The following FAM149B1 variants were observed in gnomAD, a reference collection of about 807,000 sequenced individuals.
FAM149B1 encodes family with sequence similarity 149 member B1, also known as primary cilium assembly protein FAM149B1.
FAM149B1 carries 56 observed loss-of-function variants against 75.3 expected under a neutral mutation model. The observed-to-expected ratio is 0.74, with a 90% CI of 0.60 to 0.93. The LOEUF (loss-of-function observed/expected upper bound fraction) is 0.93, where lower values mean the gene tolerates loss of function less well. Among genes scored for constraint, FAM149B1 ranks in the 40% least tolerant of loss-of-function variants. The pLI is 0.00. For synonymous variants in FAM149B1, 259 were observed against 256.1 expected (o/e 1.01, Z -0.11); for missense variants, 639 against 708.4 (o/e 0.90, Z 1.11).
intron 5 of FAM149B1, among the ~76,000 whole-genome samples, chr10:73,203,525 G>A (rs2133356247): frequency 6.6e-6 from 1 of 151,966 alleles, no homozygotes; most frequent in African/African-American, 2.4e-5. Context: ...TTAACTTAAG[G>A]ACTTTATTCC....
intron 3 of FAM149B1, 46 bp from the exon 4 acceptor site, chr10:73,192,510 A>T: frequency 6.6e-7 from 1 of 1,524,880 alleles, no homozygotes; most frequent in Non-Finnish European, 8.9e-7. Context: ...TTTAACAGAG[A>T]GTGAATCAGC....
intron 5 of FAM149B1, among the ~76,000 whole-genome samples, chr10:73,195,359 T>A (rs746252532): frequency 1.3e-5 from 2 of 152,214 alleles, no homozygotes; most frequent in Non-Finnish European, 2.9e-5. Flanking sequence ...AAGCTGCTGG[T>A]CATTAGGCAT....
At chr10:73,186,265 T>C (rs1185036679) in intron 3 of FAM149B1, among the ~76,000 whole-genome samples, 1 of 151,888 alleles carries the variant, frequency 6.6e-6, no homozygotes, top group Non-Finnish European at 1.5e-5. Flanking sequence ...GAAAAAACAT[T>C]TGACAAAATC....
chr10:73,176,958 A>C (rs562017206), intron 2 of FAM149B1, among the ~76,000 whole-genome samples: 4 of 151,686 alleles, frequency 2.6e-5, no homozygotes, highest in South Asian at 4.2e-4. Flanking sequence ...ACCCGAGAGG[A>C]GGAGGTTGCA....
intron 7 of FAM149B1, among the ~76,000 whole-genome samples, chr10:73,221,369 CTTT>C (rs2043410822): frequency 6.6e-6 from 1 of 151,908 alleles, no homozygotes; most frequent in East Asian, 1.9e-4. Flanking sequence ...TTAACTGTTT[CTTT>C]TGTAGATATG....
intron 1 of FAM149B1, among the ~76,000 whole-genome samples, chr10:73,171,206 T>C (rs1843699050): frequency 6.6e-6 from 1 of 152,198 alleles, no homozygotes; most frequent in African/African-American, 2.4e-5. Context: ...CCCAAAGTGC[T>C]GGGATTATAG....
chr10:73,237,885 G>A (rs777668007), intron 12 of FAM149B1, among the ~76,000 whole-genome samples: 63 of 152,058 alleles, frequency 4.1e-4, no homozygotes, highest in Non-Finnish European at 6.9e-4. Context: ...CTCTGCACCT[G>A]GCTAAAAACA....
intron 5 of FAM149B1, among the ~76,000 whole-genome samples, chr10:73,203,727 C>T (rs2042990391): frequency 6.6e-6 from 1 of 151,856 alleles, no homozygotes; most frequent in African/African-American, 2.4e-5. Flanking sequence ...GCAACTTCTG[C>T]CTCCAGGGCT....
At chr10:73,240,714 CAA>C (rs55812252) in intron 13 of FAM149B1, among the ~76,000 whole-genome samples, 12 of 106,880 alleles carry the variant, frequency 1.1e-4, no homozygotes, top group South Asian at 9.6e-4. Flanking sequence ...ACTCCACCTC[CAA>C]AAAAAAAAAA....
At chr10:73,168,633 TGCTTCAG>T (rs1178336610) in intron 1 of FAM149B1, among the ~76,000 whole-genome samples, 4 of 152,246 alleles carry the variant, frequency 2.6e-5, no homozygotes, top group Non-Finnish European at 4.4e-5. Flanking sequence ...GCATCCGCAG[TGCTTCAG>T]GTCCCATTGT....
At chr10:73,224,416 T>C (rs1008264815) in intron 7 of FAM149B1, among the ~76,000 whole-genome samples, 3 of 151,910 alleles carry the variant, frequency 2.0e-5, no homozygotes, top group Admixed American at 6.6e-5. Context: ...GAATGTGATA[T>C]ATTCATACAA....
At chr10:73,188,742 A>AAGG (rs1456065232) in intron 3 of FAM149B1, among the ~76,000 whole-genome samples, 6 of 130,708 alleles carry the variant, frequency 4.6e-5, no homozygotes, top group African/African-American at 1.8e-4. Context: ...AGAAAAAAAA[A>AAGG]AAGGAAGGAA....
intron 7 of FAM149B1, among the ~76,000 whole-genome samples, chr10:73,227,669 G>A (rs1256133342): frequency 1.3e-5 from 2 of 152,136 alleles, no homozygotes; most frequent in African/African-American, 4.8e-5. Flanking sequence ...TTGGCCATAA[G>A]TTAAAATTAA....
At chr10:73,195,537 T>C (rs1309206286) in intron 5 of FAM149B1, among the ~76,000 whole-genome samples, 1 of 152,232 alleles carries the variant, frequency 6.6e-6, no homozygotes, top group Admixed American at 6.5e-5. Context: ...CGACCTAATC[T>C]GTTAGTGTAA....
intron 9 of FAM149B1, among the ~76,000 whole-genome samples, chr10:73,232,038 C>T (rs184497665): frequency 2.4e-3 from 370 of 152,192 alleles, no homozygotes; most frequent in African/African-American, 8.5e-3. Flanking sequence ...CCTCCAAGCA[C>T]GGTGCCATGT....
intron 6 of FAM149B1, 32 bp from the exon 7 acceptor site, chr10:73,210,219 C>T: frequency 1.4e-5 from 20 of 1,476,120 alleles, no homozygotes; most frequent in Non-Finnish European, 1.8e-5. Context: ...CCTTCAGCAT[C>T]ATGAAGTCTT....
intron 7 of FAM149B1, among the ~76,000 whole-genome samples, chr10:73,219,454 A>G (rs1332194774): frequency 4.6e-5 from 7 of 152,202 alleles, no homozygotes; most frequent in Admixed American, 3.9e-4. Context: ...AGTCAAAACA[A>G]TATTTCTAAA....
intron 5 of FAM149B1, chr10:73,201,105 G>T: frequency 3.6e-6 from 1 of 277,486 alleles, no homozygotes; most frequent in South Asian, 4.9e-5. Context: ...GGGTCAATTT[G>T]GTAGAAAAGG....
chr10:73,200,644 G>T (rs1409395316), intron 5 of FAM149B1: 2 of 583,068 alleles, frequency 3.4e-6, no homozygotes, highest in Non-Finnish European at 6.0e-6. Context: ...AGGTTGTGTT[G>T]CTTTCTGCCA....
Sources: allele counts gnomAD v4.1 joint callset (sites outside exome capture counted in the v4.1 genomes callset), GRCh38; gene constraint gnomAD v4.1.1; transcripts MANE v1.5; gene names NCBI Gene and HGNC (gene_info 2026-07-23, HGNC 2026-07-21).